RIMS2: variants seen among roughly 807,000 people sequenced by gnomAD.
The protein encoded by RIMS2 is regulating synaptic membrane exocytosis 2.
Under a neutral mutation model 174.4 loss-of-function variants are expected in RIMS2, and 59 were observed. The ratio of observed to expected loss-of-function variants is 0.34; its 90% CI spans 0.27 to 0.42. RIMS2 has a LOEUF of 0.42. RIMS2 is among the 10% of genes least tolerant of loss of function. The probability of loss-of-function intolerance (pLI) is 1.00; values close to 1 mark genes in which losing one functional copy is unlikely to be tolerated. For synonymous variants in RIMS2, 606 were observed against 572.5 expected, an observed-to-expected ratio of 1.06 and a Z score of -0.84; for missense variants, 1,620 against 1,666.3, an observed-to-expected ratio of 0.97 and a Z score of 0.48.
At chr8:103,925,931 A>G (rs2078684119) in intron 10 of RIMS2, among the ~76,000 whole-genome samples, 2 of 151,566 alleles carry the variant, frequency 1.3e-5, no homozygotes, top group Admixed American at 6.6e-5. Flanking sequence ...TTGAAAAAAT[A>G]TTGTCAACGC....
rs534211598 is a variant in RIMS2, at chr8:103,628,371, G to C, written c.177-68715G>C. On this transcript the variant is annotated intron_variant, in intron 1 of 23. Transcript: ENST00000504942. ...AGATCCCTGTTTTTTTTTTTTTTTT[G>C]AATCAGAATTTCACTCCTGTTGCCC... is the stretch of plus-strand genomic sequence containing the variant. Among the ~76,000 whole-genome samples, 629 of 114,184 alleles carry C rather than the reference G, an allele frequency of 5.5e-3. 4 individuals carry two copies. The highest frequency in any genetic ancestry group is 0.019 in the African/African-American group (589 of 30,542). The allele number at this position is 114,184 out of a possible 152,430, so 74.9% of individuals were successfully genotyped here.
intron 15 of RIMS2, among the ~76,000 whole-genome samples, chr8:103,962,624 A>G (rs2090500587): frequency 6.6e-6 from 1 of 152,032 alleles, no homozygotes; most frequent in Non-Finnish European, 1.5e-5. Context: ...TGATTGATTG[A>G]TTGATTGATT....
rs549246389 is a variant in RIMS2, at chr8:104,013,988, GTTTC to G, written c.3224+373_3224+376del. Among the ~76,000 whole-genome samples, 33 of 152,128 alleles carry G rather than the reference GTTTC, an allele frequency of 2.2e-4. 1 individual carries two copies. In the South Asian group the frequency reaches 6.2e-3, roughly 29 times the overall value. On this transcript the variant is annotated intron_variant, in intron 18 of 23. Transcript: ENST00000504942. The stretch of plus-strand genomic sequence containing the variant: ...TTATAAATAAAACTAGATTTTTTAA[GTTTC>G]TTTCTATCGATACTAATATTATGTA...
chr8:104,065,547 G>A (rs1272731466), intron 19 of RIMS2, among the ~76,000 whole-genome samples: 1 of 152,054 alleles, frequency 6.6e-6, no homozygotes, highest in African/African-American at 2.4e-5. Context: ...TATTCTACAT[G>A]GAGTGTTTTC....
chr8:103,880,335 C>G (rs1293559356), intron 3 of RIMS2: 1 of 212,256 alleles, frequency 4.7e-6, no homozygotes, highest in Non-Finnish European at 9.3e-6. Flanking sequence ...AGGCACTAAT[C>G]AGCTAAGTAC....
intron 19 of RIMS2, among the ~76,000 whole-genome samples, chr8:104,199,234 T>A (rs2099041776): frequency 6.6e-6 from 1 of 151,726 alleles, no homozygotes; most frequent in Non-Finnish European, 1.5e-5. Context: ...GCTAATTTTT[T>A]GTATTTTTTA....
At chr8:104,166,179 G>A (rs998855043) in intron 19 of RIMS2, among the ~76,000 whole-genome samples, 1 of 148,864 alleles carries the variant, frequency 6.7e-6, no homozygotes, top group African/African-American at 2.5e-5. Context: ...CCATTCTCCT[G>A]CCTCAGCCTC....
intron 19 of RIMS2, among the ~76,000 whole-genome samples, chr8:104,196,860 A>G (rs1038935957): frequency 6.6e-6 from 1 of 152,218 alleles, no homozygotes; most frequent in Non-Finnish European, 1.5e-5. Flanking sequence ...TTAAGTAGGC[A>G]TACTTTAAAA....
intron 19 of RIMS2, among the ~76,000 whole-genome samples, chr8:104,233,017 C>A (rs1364133829): frequency 1.3e-5 from 2 of 151,610 alleles, no homozygotes; most frequent in Admixed American, 1.3e-4. Context: ...TTTTTTAATT[C>A]TTTTAAATAA....
chr8:103,513,922 A>G (rs1460715778), intron 1 of RIMS2, among the ~76,000 whole-genome samples: 1 of 152,202 alleles, frequency 6.6e-6, no homozygotes, highest in Non-Finnish European at 1.5e-5. Context: ...GATTTAAAAC[A>G]ATTTAAATTT....
intron 2 of RIMS2, 52 bp downstream of exon 4, chr8:103,697,348 C>A: frequency 7.5e-7 from 1 of 1,325,794 alleles, no homozygotes; most frequent in Non-Finnish European, 1.1e-6. Context: ...TTGTGTTTAT[C>A]TATTCACGTT....
At chr8:104,195,850 A>G (rs773845713) in intron 19 of RIMS2, among the ~76,000 whole-genome samples, 8 of 152,086 alleles carry the variant, frequency 5.3e-5, no homozygotes, top group Non-Finnish European at 1.0e-4. Flanking sequence ...TGGGCCCAAT[A>G]ATTAAATTGA....
At chr8:103,834,714 T>TTCTC (rs2098851801) in intron 3 of RIMS2, among the ~76,000 whole-genome samples, 2 of 135,206 alleles carry the variant, frequency 1.5e-5, no homozygotes, top group African/African-American at 6.2e-5. Context: ...CTTTCTTTCT[T>TTCTC]TCTTTCTTTC....
rs563648239 is a variant in RIMS2, at chr8:103,510,877, G to A, written c.176+9815G>A. Reference sequence around the variant, plus strand: ...CCTGCAATTAGGACAGAACATCTTTGGGGGGCCATTTATTCTCCTTATGAC... The same window carrying A: ...CCTGCAATTAGGACAGAACATCTTTAGGGGGCCATTTATTCTCCTTATGAC... On this transcript the variant is annotated intron_variant, in intron 1 of 23. Coordinates refer to ENST00000504942, the Ensembl canonical transcript of RIMS2. Among the ~76,000 whole-genome samples, 7 of 152,188 alleles carry A rather than the reference G, an allele frequency of 4.6e-5. No homozygotes were observed. In the South Asian group the frequency reaches 1.5e-3, roughly 32 times the overall value.
At chr8:103,892,508 A>G (rs1297062422) in intron 4 of RIMS2, among the ~76,000 whole-genome samples, 2 of 152,004 alleles carry the variant, frequency 1.3e-5, no homozygotes, top group Non-Finnish European at 2.9e-5. Context: ...CTGACTTGTA[A>G]TAAAATTTAC....
chr8:103,920,826 A>G (rs1363616783), intron 9 of RIMS2: 4 of 123,770 alleles, frequency 3.2e-5, no homozygotes, highest in African/African-American at 1.5e-4. Flanking sequence ...CGTCTCTACT[A>G]AAAAAAAAAA....
At chr8:103,655,833 G>A (rs988744628) in intron 1 of RIMS2, among the ~76,000 whole-genome samples, 2 of 152,070 alleles carry the variant, frequency 1.3e-5, no homozygotes, top group African/African-American at 2.4e-5. Context: ...TAGGGCAGTG[G>A]TTTTACAGAG....
At chr8:103,978,047 G>A (rs190708975) in intron 16 of RIMS2, among the ~76,000 whole-genome samples, 1 of 152,232 alleles carries the variant, frequency 6.6e-6, no homozygotes, top group East Asian at 1.9e-4. Flanking sequence ...GGATACCCAG[G>A]GGACCCACCC....
intron 19 of RIMS2, among the ~76,000 whole-genome samples, chr8:104,055,880 CCT>C (rs2096860139): frequency 6.6e-6 from 1 of 151,982 alleles, no homozygotes; most frequent in East Asian, 1.9e-4. Flanking sequence ...TCTGGCTAAT[CCT>C]CTCTTTCTTC....
Sources: gnomAD v4.1 joint callset for allele counts (sites outside exome capture counted in the v4.1 genomes callset) on GRCh38, gnomAD v4.1.1 for gene constraint, MANE v1.5 for transcripts, NCBI Gene and HGNC (gene_info 2026-07-23, HGNC 2026-07-21) for gene names.